Variants in KCTD16 observed in about 807,000 individuals in gnomAD.
KCTD16 encodes the protein potassium channel tetramerization domain containing 16.
KCTD16 carries 13 observed loss-of-function variants against 33.2 expected under a neutral mutation model. The observed-to-expected ratio is 0.39, with a 90% CI of 0.25 to 0.62. The LOEUF (loss-of-function observed/expected upper bound fraction) is 0.62. Ranked by LOEUF, KCTD16 falls within the 20% of genes least tolerant of loss-of-function variation. KCTD16 has a pLI of 0.50. For synonymous variants in KCTD16, 197 were observed against 195.3 expected, an observed-to-expected ratio of 1.01 and a Z score of -0.07; for missense variants, 441 against 525.1, an observed-to-expected ratio of 0.84 and a Z score of 1.57.
At chr5:144,449,358 A>C (rs1336235590) in intron 3 of KCTD16, among the ~76,000 whole-genome samples, 1 of 152,000 alleles carries the variant, frequency 6.6e-6, no homozygotes, top group Non-Finnish European at 1.5e-5. Flanking sequence ...TACTATACCC[A>C]TCAAAATCTC....
At chr5:144,318,008 A>G (rs571082182) in intron 3 of KCTD16, among the ~76,000 whole-genome samples, 1 of 152,256 alleles carries the variant, frequency 6.6e-6, no homozygotes, top group South Asian at 2.1e-4. Context: ...GATTTGGGGG[A>G]AGCATGCTTT....
intron 3 of KCTD16, among the ~76,000 whole-genome samples, chr5:144,220,502 G>A (rs1474665027): frequency 6.6e-6 from 1 of 152,078 alleles, no homozygotes; most frequent in East Asian, 1.9e-4. Flanking sequence ...ACCTCATGAT[G>A]ATAAATTATA....
At chr5:144,409,722 G>T (rs1450226403) in intron 3 of KCTD16, among the ~76,000 whole-genome samples, 1 of 152,030 alleles carries the variant, frequency 6.6e-6, no homozygotes, top group East Asian at 1.9e-4. Flanking sequence ...GGCTGGATGT[G>T]GTGGGAATTG....
At chr5:144,410,412 G>T (rs73795542) in intron 3 of KCTD16, among the ~76,000 whole-genome samples, 1 of 152,134 alleles carries the variant, frequency 6.6e-6, no homozygotes, top group Non-Finnish European at 1.5e-5. Context: ...TCATGATAAT[G>T]TCCTACCTGT....
intron 3 of KCTD16, among the ~76,000 whole-genome samples, chr5:144,467,013 TA>T (rs1754351998): frequency 8.0e-6 from 1 of 125,476 alleles, no homozygotes; most frequent in South Asian, 2.3e-4. Flanking sequence ...ATATTATATA[TA>T]ATATATATAA....
rs1365582165 is a variant in KCTD16, at chr5:144,481,719, G to A, written c.*7605G>A. ...ATTTGTTGGGTACATACTATATATA[G>A]GTCACTGTCGTGAGCATTATAATGT... is the stretch of plus-strand genomic sequence containing the variant. On this transcript the variant is annotated 3_prime_UTR_variant, in exon 4 of 4. Transcript: ENST00000512467. The A allele has an allele frequency of 6.6e-6, 1 of 151,668 alleles. No individual in the cohort carries two copies. Among genetic ancestry groups the A allele is most frequent in the Non-Finnish European group, 1.5e-5 (1 of 67,870 alleles). The allele number at this position is 151,668 out of a possible 1,614,324, so 9.4% of individuals were successfully genotyped here.
At chr5:144,356,272 C>T (rs911301459) in intron 3 of KCTD16, among the ~76,000 whole-genome samples, 16 of 152,140 alleles carry the variant, frequency 1.1e-4, no homozygotes, top group African/African-American at 3.9e-4. Context: ...GAATATACAA[C>T]TCAGGAAATT....
chr5:144,285,604 C>T (rs191867255), intron 3 of KCTD16, among the ~76,000 whole-genome samples: 7 of 152,152 alleles, frequency 4.6e-5, no homozygotes, highest in African/African-American at 1.4e-4. Flanking sequence ...TACTGTGGGT[C>T]TTTCACTGGG....
intron 3 of KCTD16, among the ~76,000 whole-genome samples, chr5:144,237,665 C>T (rs1754290543): frequency 6.6e-6 from 1 of 152,024 alleles, no homozygotes. Context: ...AAAACAAAAA[C>T]ACCAACCACC....
At chr5:144,386,413 A>G (rs868823796) in intron 3 of KCTD16, among the ~76,000 whole-genome samples, 1 of 152,170 alleles carries the variant, frequency 6.6e-6, no homozygotes, top group South Asian at 2.1e-4. Context: ...TAAGACTGGT[A>G]TATTTTTTAG....
intron 3 of KCTD16, among the ~76,000 whole-genome samples, chr5:144,319,958 A>G (rs1005232515): frequency 3.9e-5 from 6 of 152,160 alleles, no homozygotes; most frequent in African/African-American, 9.7e-5. Context: ...TATTTCACTT[A>G]TATTAGCAAA....
intron 3 of KCTD16, among the ~76,000 whole-genome samples, chr5:144,293,045 C>A (rs1755937974): frequency 6.6e-6 from 1 of 152,206 alleles, no homozygotes; most frequent in South Asian, 2.1e-4. Flanking sequence ...TTACTTAATT[C>A]ATGAGAAACT....
chr5:144,343,113 C>T (rs1752690086), intron 3 of KCTD16, among the ~76,000 whole-genome samples: 1 of 152,098 alleles, frequency 6.6e-6, no homozygotes, highest in African/African-American at 2.4e-5. Context: ...AGGGAGGATT[C>T]CCTCTTTTTC....
chr5:144,205,711 G>T, intron 2 of KCTD16: 1 of 397,316 alleles, frequency 2.5e-6, no homozygotes, highest in Non-Finnish European at 4.4e-6. Context: ...GGGAAGCTTT[G>T]GTTGAATATT....
intron 3 of KCTD16, among the ~76,000 whole-genome samples, chr5:144,281,692 T>G (rs1054522723): frequency 2.6e-5 from 4 of 152,166 alleles, no homozygotes; most frequent in African/African-American, 9.7e-5. Context: ...TAAGGTTAAT[T>G]AGGTCAAATT....
At chr5:144,436,071 T>C (rs1245911832) in intron 3 of KCTD16, among the ~76,000 whole-genome samples, 6 of 152,184 alleles carry the variant, frequency 3.9e-5, no homozygotes, top group Admixed American at 3.9e-4. Flanking sequence ...CTCTTTCTAG[T>C]TCCCTGTGGG....
At chr5:144,265,252 A>G (rs917471821) in intron 3 of KCTD16, among the ~76,000 whole-genome samples, 2 of 152,176 alleles carry the variant, frequency 1.3e-5, no homozygotes, top group Admixed American at 6.5e-5. Context: ...TATTACCTTA[A>G]TCACAAGCAG....
chr5:144,213,073 A>G lies in KCTD16; in HGVS notation c.832+5527A>G, dbSNP rs1426165952. Among the ~76,000 whole-genome samples the G allele has an allele frequency of 3.3e-5, 5 of 152,144 alleles. No homozygotes were observed. In the East Asian group the frequency reaches 9.6e-4, roughly 29 times the overall value. On this transcript the variant is annotated intron_variant, in intron 3 of 3. Coordinates refer to ENST00000512467, the MANE Select transcript of KCTD16 (RefSeq NM_020768.4). ...ATCATTATATGGTATTCTACCATATACCATTATAACATACAAAATTAATAA... is the reference window on the plus strand; with the variant it reads ...ATCATTATATGGTATTCTACCATATGCCATTATAACATACAAAATTAATAA...
At chr5:144,428,161 A>G (rs981074568) in intron 3 of KCTD16, among the ~76,000 whole-genome samples, 1 of 152,116 alleles carries the variant, frequency 6.6e-6, no homozygotes, top group Admixed American at 6.6e-5. Context: ...TCTGTACACT[A>G]GGTACGCCTT....
Sources: allele counts gnomAD v4.1 joint callset (sites outside exome capture counted in the v4.1 genomes callset), GRCh38; gene constraint gnomAD v4.1.1; transcripts MANE v1.5; gene names NCBI Gene and HGNC (gene_info 2026-07-23, HGNC 2026-07-21).